The following CDK19 variants were observed in gnomAD, a reference collection of about 807,000 sequenced individuals.
The protein encoded by CDK19 is cyclin-dependent kinase 19.
A neutral mutation model predicts 68.3 loss-of-function variants in CDK19; 20 were observed. The observed-to-expected ratio is 0.29, with a 90% confidence interval of 0.21 to 0.43. The LOEUF is 0.43. Ranked by LOEUF, CDK19 falls within the 20% of genes least tolerant of loss-of-function variation. The probability of loss-of-function intolerance (pLI) is 1.00; values close to 1 mark genes in which losing one functional copy is unlikely to be tolerated. For missense variants in CDK19, 339 were observed against 623.5 expected (o/e 0.54, Z 4.86); for synonymous variants, 221 against 222.8 (o/e 0.99, Z 0.07).
At chr6:110,685,499 T>C (rs182478942) in intron 2 of CDK19, among the ~76,000 whole-genome samples, 4 of 152,342 alleles carry the variant, frequency 2.6e-5, no homozygotes, top group Admixed American at 2.0e-4. Context: ...CCCTAACTGA[T>C]TGTAAGATGC....
chr6:110,747,654 C>G (rs1778170236), intron 1 of CDK19, among the ~76,000 whole-genome samples: 1 of 151,974 alleles, frequency 6.6e-6, no homozygotes, highest in Non-Finnish European at 1.5e-5. Flanking sequence ...CTTTAAAAAG[C>G]CAAAATAAAT....
At chr6:110,711,908 G>A (rs1774973192) in intron 2 of CDK19, among the ~76,000 whole-genome samples, 1 of 152,262 alleles carries the variant, frequency 6.6e-6, no homozygotes, top group East Asian at 1.9e-4. Flanking sequence ...GGGGGGCGGA[G>A]GTTGTAGTGA....
intron 2 of CDK19, among the ~76,000 whole-genome samples, chr6:110,686,620 G>A (rs1275844757): frequency 6.6e-6 from 1 of 152,036 alleles, no homozygotes; most frequent in African/African-American, 2.4e-5. Context: ...TACATGAACT[G>A]GTTTTCAAAC....
chr6:110,763,713 C>G (rs1779386641), intron 1 of CDK19, among the ~76,000 whole-genome samples: 1 of 151,352 alleles, frequency 6.6e-6, no homozygotes, highest in Non-Finnish European at 1.5e-5. Flanking sequence ...CCACGCCCAG[C>G]CTGCTCTCAC....
intron 2 of CDK19, among the ~76,000 whole-genome samples, chr6:110,705,593 C>T (rs1358811657): frequency 6.6e-6 from 1 of 152,166 alleles, no homozygotes; most frequent in East Asian, 1.9e-4. Flanking sequence ...ATTTAAGGCA[C>T]AGGATTACAC....
chr6:110,725,975 CT>C (rs920068960), intron 2 of CDK19, among the ~76,000 whole-genome samples: 13 of 150,876 alleles, frequency 8.6e-5, no homozygotes, highest in South Asian at 2.1e-4. Flanking sequence ...GAAAGCATTT[CT>C]TTTTTTTTCA....
At chr6:110,750,049 C>T (rs750751025) in intron 1 of CDK19, among the ~76,000 whole-genome samples, 5 of 145,600 alleles carry the variant, frequency 3.4e-5, no homozygotes, top group Non-Finnish European at 7.6e-5. Context: ...GGATTATAGG[C>T]GTGAGCCACT....
intron 1 of CDK19, among the ~76,000 whole-genome samples, chr6:110,811,890 T>G (rs1783128946): frequency 6.6e-6 from 1 of 151,724 alleles, no homozygotes; most frequent in South Asian, 2.1e-4. Context: ...GATTTTTTTT[T>G]TTTTTTAAAG....
At chr6:110,688,387 G>A (rs1772678537) in intron 2 of CDK19, among the ~76,000 whole-genome samples, 1 of 152,022 alleles carries the variant, frequency 6.6e-6, no homozygotes, top group African/African-American at 2.4e-5. Context: ...CAAGATGGCA[G>A]ATTGGAGGCA....
intron 2 of CDK19, among the ~76,000 whole-genome samples, chr6:110,698,618 T>C (rs545695517): frequency 6.6e-6 from 1 of 152,252 alleles, no homozygotes; most frequent in African/African-American, 2.4e-5. Context: ...GAACTAAGCA[T>C]AGATCCACCA....
intron 2 of CDK19, among the ~76,000 whole-genome samples, chr6:110,716,750 C>T (rs1775434327): frequency 6.6e-6 from 1 of 152,092 alleles, no homozygotes; most frequent in Admixed American, 6.5e-5. Flanking sequence ...TGTATCTCTA[C>T]TCTCTATATA....
intron 12 of CDK19, among the ~76,000 whole-genome samples, chr6:110,616,001 C>T (rs892045030): frequency 6.6e-6 from 1 of 152,084 alleles, no homozygotes; most frequent in African/African-American, 2.4e-5. Flanking sequence ...CCTTTGATTG[C>T]ATCCCCAACC....
At chr6:110,763,417 T>C (rs1453315915) in intron 1 of CDK19, among the ~76,000 whole-genome samples, 1 of 146,034 alleles carries the variant, frequency 6.8e-6, no homozygotes, top group East Asian at 2.0e-4. Flanking sequence ...TTATTATGTT[T>C]TTTTTTTTTT....
At chr6:110,701,551 C>CAAA (rs1166831323) in intron 2 of CDK19, among the ~76,000 whole-genome samples, 1 of 123,548 alleles carries the variant, frequency 8.1e-6, no homozygotes, top group African/African-American at 3.0e-5. Flanking sequence ...GACTCTGTCT[C>CAAA]AAAAAAAAAA....
At chr6:110,671,400 T>G (rs1449411849) in intron 2 of CDK19, among the ~76,000 whole-genome samples, 1 of 152,178 alleles carries the variant, frequency 6.6e-6, no homozygotes, top group Admixed American at 6.5e-5. Context: ...CATATTCAAT[T>G]TAATAAATAT....
rs1479482369 is a variant in CDK19, at chr6:110,623,222, T to A, written c.933+68A>T. 50 of 1,278,162 alleles carry A rather than the reference T, an allele frequency of 3.9e-5. No homozygotes were observed. In the South Asian group the frequency reaches 4.8e-4, roughly 12 times the overall value. 79.2% of individuals were successfully genotyped at this position (1,278,162 alleles called of 1,614,324 possible). A position where few individuals can be genotyped will look rare whatever the true frequency, so the allele number is the denominator to read the frequency against. Reference sequence around the variant, plus strand: ...TTCTTTTGTTTCTAAAGAGGAGGAATAGCTGAGTAAATAGAAGGCGAGATT... The same window carrying A: ...TTCTTTTGTTTCTAAAGAGGAGGAAAAGCTGAGTAAATAGAAGGCGAGATT... On this transcript the variant is annotated intron_variant, in intron 9 of 12. Coordinates refer to ENST00000368911, the MANE Select transcript of CDK19 (RefSeq NM_015076.5).
chr6:110,639,929 T>TG (rs1316046600), intron 4 of CDK19, among the ~76,000 whole-genome samples: 1 of 152,074 alleles, frequency 6.6e-6, no homozygotes, highest in Non-Finnish European at 1.5e-5. Context: ...AAGTCTGACT[T>TG]GGGCCAGGTG....
In CDK19 at chr6:110,669,037, T is replaced by G. The variant is rs1021329935; in HGVS notation, c.315+1394A>C. ...TCTACAGGATCTGACTATTCCAATG[T>G]ACAACATCATCTTCTTTCATCACCC... On this transcript the variant is annotated intron_variant, in intron 3 of 12. Transcript: ENST00000368911. Among the ~76,000 whole-genome samples, 6 of 152,252 alleles carry G rather than the reference T, an allele frequency of 3.9e-5. No individual in the cohort carries two copies. In the South Asian group the frequency reaches 1.2e-3, roughly 31 times the overall value.
rs1336518012 is a variant in CDK19 at position 110,731,100 on chromosome 6, GA to G, written c.204+15025del. Among the ~76,000 whole-genome samples, 20 of 137,914 alleles carry G rather than the reference GA, an allele frequency of 1.5e-4. No homozygotes were observed. The Admixed American group carries it at 1.5e-3, about 10-fold the overall frequency. 90.5% of individuals were successfully genotyped at this position (137,914 alleles called of 152,430 possible). ...AAGAGAAAGAAAAGGAAGGAAGAAA[GA>G]AAAGAAAAGAAAGGAAAAGAAAAGA... On this transcript the variant is annotated intron_variant, in intron 2 of 12. Transcript: ENST00000368911.
Sources: gnomAD v4.1 joint callset for allele counts (sites outside exome capture counted in the v4.1 genomes callset) on GRCh38, gnomAD v4.1.1 for gene constraint, MANE v1.5 for transcripts, NCBI Gene and HGNC (gene_info 2026-07-23, HGNC 2026-07-21) for gene names.